The following CCDC90B variants were observed in gnomAD, a reference collection of about 807,000 sequenced individuals.
The protein encoded by CCDC90B is coiled-coil domain containing 90B, also known as coiled-coil domain-containing protein 90B, mitochondrial.
In CCDC90B, 24 loss-of-function variants were observed where a neutral mutation model predicts 37.0. The ratio of observed to expected loss-of-function variants is 0.65; its 90% CI spans 0.47 to 0.91. The LOEUF is 0.91. Ranked by LOEUF, CCDC90B falls within the 40% of genes least tolerant of loss-of-function variation. The pLI is 0.00. For missense variants in CCDC90B, 319 were observed against 299.0 expected (o/e 1.07, Z -0.49); for synonymous variants, 113 against 101.1 (o/e 1.12, Z -0.71).
Position 83,259,754 on chromosome 11 carries a change from T to C in CCDC90B, c.*2157A>G, listed in dbSNP as rs1863847779. 1 of 152,044 alleles carries C rather than the reference T, an allele frequency of 6.6e-6. No homozygotes were observed. The highest frequency in any genetic ancestry group is 1.5e-5 in the Non-Finnish European group (1 of 68,048). The allele number at this position is 152,044 out of a possible 1,614,324, so 9.4% of individuals were successfully genotyped here. On this transcript the variant is annotated 3_prime_UTR_variant, in exon 9 of 9. Transcript: ENST00000529689. ...ATGGTACACTTTAGCCTTGATGAAC[T>C]CCTTGGCTCAAGCAATCCTGCTGCC...
chr11:83,263,687 G>C (rs1327619852), intron 8 of CCDC90B, among the ~76,000 whole-genome samples: 1 of 152,158 alleles, frequency 6.6e-6, no homozygotes, highest in Non-Finnish European at 1.5e-5. Context: ...TTAAAAATTG[G>C]AACTAAGGAA....
Position 83,284,701 on chromosome 11 carries a change from T to A in CCDC90B, c.100+1172A>T, listed in dbSNP as rs1865577919. Among the ~76,000 whole-genome samples, 2 of 152,248 alleles carry A rather than the reference T, an allele frequency of 1.3e-5. 1 individual carries two copies. The highest frequency in any genetic ancestry group is 4.1e-4 in the South Asian group (2 of 4,834). ...TAAGGTTTCTCCAAGAACACTCAGA[T>A]TCAAGTGGGATAACTTTTATGTTAA... On this transcript the variant is annotated intron_variant, in intron 1 of 8. Transcript: ENST00000529689.
chr11:83,286,209 C>T lies in CCDC90B; in HGVS notation c.-237G>A. 1 of 1,531,022 alleles carries T rather than the reference C, an allele frequency of 6.5e-7. No homozygotes were observed. Among genetic ancestry groups the T allele is most frequent in the Non-Finnish European group, 8.7e-7 (1 of 1,143,196 alleles). The allele number at this position is 1,531,022 out of a possible 1,614,324, so 94.8% of individuals were successfully genotyped here. A position where few individuals can be genotyped will look rare whatever the true frequency, so the allele number is the denominator to read the frequency against. ...GCCCCGCTTCTCCCAGCGCCCCTTCCCGACCTTTGAACGCCTTCACCGCCC... is the reference window on the plus strand; with the variant it reads ...GCCCCGCTTCTCCCAGCGCCCCTTCTCGACCTTTGAACGCCTTCACCGCCC... On this transcript the variant is annotated 5_prime_UTR_variant, in exon 1 of 9. Transcript: ENST00000529689.
At chr11:83,285,828 C>T (rs773808305) in intron 1 of CCDC90B, 45 bp downstream of exon 1, 2 of 1,578,102 alleles carry the variant, frequency 1.3e-6, no homozygotes, top group Admixed American at 1.8e-5. Context: ...GGCATCGTCT[C>T]CCTAGAGAGC....
intron 3 of CCDC90B, among the ~76,000 whole-genome samples, chr11:83,277,693 A>T (rs1865130573): frequency 6.6e-6 from 1 of 151,202 alleles, no homozygotes; most frequent in Non-Finnish European, 1.5e-5. Flanking sequence ...ACAGTGTTTC[A>T]CCTTATTGGC....
intron 3 of CCDC90B, 151 bp from the exon 4 acceptor site, chr11:83,274,891 A>G (rs1316273696): frequency 2.2e-6 from 1 of 455,554 alleles, no homozygotes; most frequent in Non-Finnish European, 3.9e-6. Flanking sequence ...CATATCTGAA[A>G]TATCAAAATG....
At chr11:83,268,868 T>C (rs1015841686) in intron 7 of CCDC90B, among the ~76,000 whole-genome samples, 5 of 151,834 alleles carry the variant, frequency 3.3e-5, no homozygotes, top group Non-Finnish European at 5.9e-5. Context: ...GTAAAGCACT[T>C]GCACTCCTCA....
intron 8 of CCDC90B, among the ~76,000 whole-genome samples, chr11:83,264,902 G>A (rs1016958657): frequency 7.1e-6 from 1 of 140,660 alleles, no homozygotes; most frequent in Non-Finnish European, 1.5e-5. Context: ...GGTGGGAACT[G>A]AACAATGAGA....
intron 1 of CCDC90B, among the ~76,000 whole-genome samples, chr11:83,281,234 C>A (rs1325018497): frequency 6.6e-6 from 1 of 152,188 alleles, no homozygotes. Flanking sequence ...GCTGCAACTT[C>A]AGGCATTATT....
intron 7 of CCDC90B, chr11:83,267,047 CAG>C (rs1301885394): frequency 1.3e-5 from 2 of 152,218 alleles, no homozygotes; most frequent in Non-Finnish European, 2.9e-5. Context: ...AACTAACAAA[CAG>C]AAAGGAATAG....
intron 8 of CCDC90B, among the ~76,000 whole-genome samples, chr11:83,262,398 C>A (rs188682507): frequency 1.4e-4 from 21 of 152,012 alleles, no homozygotes; most frequent in Admixed American, 5.9e-4. Context: ...TAAATAATTT[C>A]TCATAATTCT....
At chr11:83,280,063 A>T in intron 2 of CCDC90B, 78 bp downstream of exon 2, 10 of 1,410,056 alleles carry the variant, frequency 7.1e-6, no homozygotes, top group Non-Finnish European at 9.7e-6. Context: ...TTGATTGTTC[A>T]TAATAGTGAT....
At chr11:83,274,415 A>G (rs1864895417) in intron 4 of CCDC90B, 2 of 307,232 alleles carry the variant, frequency 6.5e-6, no homozygotes, top group South Asian at 1.9e-4. Flanking sequence ...ATGTGGTTTT[A>G]TATGTATAAA....
chr11:83,280,612 C>T (rs1202649777), intron 1 of CCDC90B, among the ~76,000 whole-genome samples: 6 of 152,208 alleles, frequency 3.9e-5, no homozygotes, highest in Non-Finnish European at 7.4e-5. Context: ...CTTCTCTGTG[C>T]TCAGTAATAG....
intron 1 of CCDC90B, among the ~76,000 whole-genome samples, chr11:83,282,907 G>GT (rs1288930591): frequency 2.0e-5 from 3 of 152,172 alleles, no homozygotes; most frequent in Non-Finnish European, 4.4e-5. Context: ...ACCACCGCCT[G>GT]TTTTTCTAGT....
intron 1 of CCDC90B, among the ~76,000 whole-genome samples, chr11:83,283,827 T>C (rs1472188502): frequency 1.3e-5 from 2 of 152,096 alleles, no homozygotes. Flanking sequence ...CTGGGCATGG[T>C]GGTGTGTGCC....
At chr11:83,274,044 T>A in intron 4 of CCDC90B, 52 bp from the exon 5 acceptor site, 1 of 1,371,842 alleles carries the variant, frequency 7.3e-7, no homozygotes, top group Non-Finnish European at 9.6e-7. Context: ...GTCTATATTA[T>A]GATTAAAAAA....
At chr11:83,278,917 T>C in intron 2 of CCDC90B, 88 bp from the exon 3 acceptor site, 1 of 688,866 alleles carries the variant, frequency 1.5e-6, no homozygotes, top group East Asian at 2.7e-5. Context: ...AACATTTAAA[T>C]TGTTATACTC....
In CCDC90B at chr11:83,273,779, T is replaced by C. The variant is rs1864842327; in HGVS notation, c.540+14A>G. ...GAGTAAGTAACCAAGAAAGTACATTTAAAAGAACATTACCATATCTGTTAC... is the reference window on the plus strand; with the variant it reads ...GAGTAAGTAACCAAGAAAGTACATTCAAAAGAACATTACCATATCTGTTAC... On this transcript the variant is annotated intron_variant, in intron 6 of 8. Coordinates refer to ENST00000529689, the MANE Select transcript of CCDC90B (RefSeq NM_021825.5). The C allele has an allele frequency of 6.2e-7, 1 of 1,604,286 alleles. No homozygotes were observed. The highest frequency in any genetic ancestry group is 1.3e-5 in the African/African-American group (1 of 74,446).
Sources: gnomAD v4.1 joint callset for allele counts (sites outside exome capture counted in the v4.1 genomes callset) on GRCh38, gnomAD v4.1.1 for gene constraint, MANE v1.5 for transcripts, NCBI Gene and HGNC (gene_info 2026-07-23, HGNC 2026-07-21) for gene names.